The following DMKN variants were observed in gnomAD, a reference collection of about 807,000 sequenced individuals.
DMKN encodes epidermis-specific secreted protein SK30/SK89.
A neutral mutation model predicts 67.6 loss-of-function variants in DMKN; 58 were observed. The observed-to-expected ratio is 0.86, with a 90% CI of 0.69 to 1.07. The LOEUF (loss-of-function observed/expected upper bound fraction) is 1.07. Among genes scored for constraint, DMKN ranks in the 50% least tolerant of loss-of-function variants. The pLI is 0.00. For missense variants in DMKN, 596 were observed against 601.5 expected (o/e 0.99, Z 0.10); for synonymous variants, 240 against 232.3 (o/e 1.03, Z -0.30).
intron 11 of DMKN, 199 bp downstream of exon 11, chr19:35,501,937 T>A: frequency 6.4e-7 from 1 of 1,558,786 alleles, no homozygotes; most frequent in Non-Finnish European, 8.7e-7. Flanking sequence ...CGGCCTCGGC[T>A]TTTATGCTAG....
At chr19:35,498,628 G>A in intron 15 of DMKN, 88 bp downstream of exon 15, 4 of 1,568,474 alleles carry the variant, frequency 2.6e-6, no homozygotes, top group Non-Finnish European at 3.5e-6. Context: ...ACTGAGATCT[G>A]AGGATATACC....
At chr19:35,502,984 T>A in intron 9 of DMKN, 98 bp from the exon 10 acceptor site, 1 of 1,350,114 alleles carries the variant, frequency 7.4e-7, no homozygotes, top group Admixed American at 2.4e-5. Context: ...CAGAATGTCA[T>A]TGTGACTAAG....
chr19:35,510,475 T>C (rs932219026), intron 5 of DMKN: 10 of 1,551,444 alleles, frequency 6.4e-6, no homozygotes, highest in Non-Finnish European at 8.7e-6. Context: ...CGCAATGATT[T>C]GGAGAACCTG....
intron 10 of DMKN, among the ~76,000 whole-genome samples, chr19:35,502,427 C>G (rs566007295): frequency 6.6e-6 from 1 of 152,094 alleles, no homozygotes; most frequent in East Asian, 1.9e-4. Context: ...TGGCTGGGCG[C>G]GGTGGCTCAC....
intron 7 of DMKN, chr19:35,506,754 C>CT: frequency 3.2e-6 from 1 of 309,276 alleles, no homozygotes; most frequent in Non-Finnish European, 6.5e-6. Context: ...TGGGTCACGC[C>CT]TGTAATCCCA....
intron 15 of DMKN, chr19:35,497,846 T>C (rs8108861): frequency 0.11 from 16,022 of 152,408 alleles, 953 homozygotes; most frequent in South Asian, 0.17. Flanking sequence ...CACCATCTTC[T>C]CAGAGCTGTG....
At chr19:35,510,642 T>A in intron 5 of DMKN, 1 of 1,266,672 alleles carries the variant, frequency 7.9e-7, no homozygotes, top group African/African-American at 1.5e-5. Context: ...AGAACTGCCC[T>A]AGATGGGGGA....
intron 7 of DMKN, chr19:35,506,204 G>GCCTGCC: frequency 6.7e-7 from 1 of 1,493,482 alleles, no homozygotes; most frequent in Non-Finnish European, 8.9e-7. Context: ...GGAAAAGGGG[G>GCCTGCC]ACCGATGTCC....
chr19:35,508,548 G>C (rs2070047983), intron 7 of DMKN: 1 of 240,664 alleles, frequency 4.2e-6, no homozygotes, highest in African/African-American at 2.3e-5. Flanking sequence ...ATTTACAAGA[G>C]GCATTTTAAA....
At chr19:35,503,965 G>A (rs757994721) in intron 9 of DMKN, among the ~76,000 whole-genome samples, 5 of 152,190 alleles carry the variant, frequency 3.3e-5, no homozygotes, top group Middle Eastern at 3.4e-3. Flanking sequence ...ATTACACTGC[G>A]TTCCCCTCTG....
At chr19:35,506,607 G>T (rs1222071264) in intron 7 of DMKN, 6 of 462,600 alleles carry the variant, frequency 1.3e-5, no homozygotes, top group Admixed American at 2.3e-5. Flanking sequence ...CGTGAGTCAG[G>T]TTTCACTGTC....
intron 3 of DMKN, among the ~76,000 whole-genome samples, 168 bp from the exon 4 acceptor site, chr19:35,511,981 C>T (rs576941352): frequency 1.3e-5 from 2 of 150,976 alleles, no homozygotes; most frequent in South Asian, 2.1e-4. Context: ...GGCCCAGGCC[C>T]GTCTCTTCCT....
chr19:35,504,225 G>C (rs1431095938), intron 9 of DMKN, among the ~76,000 whole-genome samples: 1 of 152,256 alleles, frequency 6.6e-6, no homozygotes, highest in East Asian at 1.9e-4. Context: ...TCTCCCATCA[G>C]ACCCTAAGTT....
intron 13 of DMKN, chr19:35,499,232 C>T: frequency 5.2e-6 from 2 of 381,784 alleles, no homozygotes; most frequent in Non-Finnish European, 9.6e-6. Flanking sequence ...GATAACTCAG[C>T]AGAGTGGAAG....
chr19:35,508,196 T>G (rs1322358275), intron 7 of DMKN: 5 of 1,551,984 alleles, frequency 3.2e-6, no homozygotes, highest in Non-Finnish European at 3.5e-6. Context: ...ACATCTACCA[T>G]CCTCTTACCC....
chr19:35,501,876 C>T (rs747599997), intron 11 of DMKN: 19 of 1,585,578 alleles, frequency 1.2e-5, no homozygotes, highest in Non-Finnish European at 1.6e-5. Context: ...AGGAGCAGAG[C>T]AGAGGCAGTG....
intron 15 of DMKN, chr19:35,498,433 TC>T: frequency 2.0e-6 from 1 of 510,796 alleles, no homozygotes; most frequent in Non-Finnish European, 3.5e-6. Flanking sequence ...GGTCTCAAAC[TC>T]CCAGACTCAA....
chr19:35,506,128 C>T (rs767694475), intron 7 of DMKN, 142 bp from the exon 8 acceptor site: 1 of 1,579,280 alleles, frequency 6.3e-7, no homozygotes. Flanking sequence ...CCACTCACCA[C>T]AGTATTGACT....
At chr19:35,504,478 G>C (rs1034365166) in intron 9 of DMKN, among the ~76,000 whole-genome samples, 1 of 151,218 alleles carries the variant, frequency 6.6e-6, no homozygotes, top group Non-Finnish European at 1.5e-5. Flanking sequence ...TGGAGCGGCT[G>C]AGGCAGGAGA....
Sources: allele counts gnomAD v4.1 joint callset (sites outside exome capture counted in the v4.1 genomes callset), GRCh38; gene constraint gnomAD v4.1.1; transcripts MANE v1.5; gene names NCBI Gene and HGNC (gene_info 2026-07-23, HGNC 2026-07-21).